The following RETREG1 variants were observed in gnomAD, a reference collection of about 807,000 sequenced individuals.
The protein encoded by RETREG1 is family with sequence similarity 134 member B.
A neutral mutation model predicts 54.8 loss-of-function variants in RETREG1; 44 were observed. The observed-to-expected ratio is 0.80, with a 90% confidence interval of 0.63 to 1.03. The LOEUF is 1.03. Ranked by LOEUF, RETREG1 falls within the 50% of genes least tolerant of loss-of-function variation. RETREG1 has a pLI of 0.00. For synonymous variants in RETREG1, 217 were observed against 238.5 expected (o/e 0.91, Z 0.83); for missense variants, 554 against 605.1 (o/e 0.92, Z 0.89).
At chr5:16,496,283 G>A (rs1269869868) in intron 3 of RETREG1, among the ~76,000 whole-genome samples, 1 of 152,186 alleles carries the variant, frequency 6.6e-6, no homozygotes, top group Non-Finnish European at 1.5e-5. Flanking sequence ...TCTCCCTTAT[G>A]TCACAGCAGA....
intron 1 of RETREG1, among the ~76,000 whole-genome samples, chr5:16,584,677 T>C (rs1156761553): frequency 6.6e-6 from 1 of 152,136 alleles, no homozygotes; most frequent in African/African-American, 2.4e-5. Context: ...GGCTTTAATT[T>C]CTCCTGGCCT....
chr5:16,552,250 T>C (rs1291672335), intron 3 of RETREG1, among the ~76,000 whole-genome samples: 1 of 152,220 alleles, frequency 6.6e-6, no homozygotes, highest in African/African-American at 2.4e-5. Context: ...AACAGGTTAA[T>C]TTATGCCTGG....
intron 1 of RETREG1, among the ~76,000 whole-genome samples, chr5:16,589,038 C>T (rs912214946): frequency 7.2e-5 from 11 of 152,310 alleles, no homozygotes; most frequent in South Asian, 6.2e-4. Context: ...CACACAGTAC[C>T]GCTGGGCTGT....
At chr5:16,586,406 A>G (rs1389682420) in intron 1 of RETREG1, among the ~76,000 whole-genome samples, 1 of 152,192 alleles carries the variant, frequency 6.6e-6, no homozygotes, top group Non-Finnish European at 1.5e-5. Context: ...CTTTAAATTA[A>G]GGCACTGGCT....
chr5:16,534,821 CTCTGCTGCCATTTT>C (rs1313313156), intron 3 of RETREG1, among the ~76,000 whole-genome samples: 4 of 152,192 alleles, frequency 2.6e-5, no homozygotes, highest in Non-Finnish European at 4.4e-5. Context: ...AAGGAAAGGT[CTCTGCTGCCATTTT>C]TCTTCTTCTG....
chr5:16,541,739 GGGAAGGAAGGAAGGAAGGAAGGAA>G (rs59287809), intron 3 of RETREG1, among the ~76,000 whole-genome samples: 3,006 of 102,240 alleles, frequency 0.029, 126 homozygotes, highest in African/African-American at 0.096. Flanking sequence ...GAGGGAGGGA[GGGAAGGAAGGAAGGAAGGAAGGAA>G]GGAAGGAAGG....
chr5:16,499,006 T>C (rs1739587885), intron 3 of RETREG1, among the ~76,000 whole-genome samples: 1 of 152,120 alleles, frequency 6.6e-6, no homozygotes, highest in Non-Finnish European at 1.5e-5. Flanking sequence ...ACACATTGTA[T>C]AGCTCTACAA....
intron 1 of RETREG1, among the ~76,000 whole-genome samples, chr5:16,613,334 T>C (rs1371717531): frequency 6.6e-6 from 1 of 152,232 alleles, no homozygotes; most frequent in Non-Finnish European, 1.5e-5. Context: ...CTTGATCATC[T>C]ACTAGATCTC....
chr5:16,501,299 G>C (rs1489409502), intron 3 of RETREG1, among the ~76,000 whole-genome samples: 3 of 152,158 alleles, frequency 2.0e-5, no homozygotes, highest in African/African-American at 7.2e-5. Context: ...CTAGTACCTG[G>C]TTAAGGCTGG....
chr5:16,480,703 C>T (rs940714515), intron 5 of RETREG1, among the ~76,000 whole-genome samples: 6 of 152,056 alleles, frequency 3.9e-5, no homozygotes, highest in African/African-American at 1.4e-4. Context: ...AAAGAACACG[C>T]ACGAAGGCAA....
chr5:16,554,254 G>A (rs1040343273), intron 3 of RETREG1, among the ~76,000 whole-genome samples: 13 of 152,202 alleles, frequency 8.5e-5, no homozygotes, highest in African/African-American at 2.7e-4. Context: ...TGACATTTCC[G>A]AGGCTGGAAC....
chr5:16,604,200 C>T (rs185834455), intron 1 of RETREG1, among the ~76,000 whole-genome samples: 1 of 152,304 alleles, frequency 6.6e-6, no homozygotes, highest in African/African-American at 2.4e-5. Flanking sequence ...CACCCAGCAA[C>T]CTCCCCTTGC....
intron 3 of RETREG1, among the ~76,000 whole-genome samples, chr5:16,487,296 A>T (rs1346510494): frequency 6.6e-6 from 1 of 152,210 alleles, no homozygotes; most frequent in Non-Finnish European, 1.5e-5. Context: ...CAAGTTCAAA[A>T]GGAAATAGGT....
At chr5:16,555,630 T>C (rs2019260) in intron 3 of RETREG1, among the ~76,000 whole-genome samples, 124,948 of 152,146 alleles carry the variant, frequency 0.82, 51,306 homozygotes, top group Middle Eastern at 0.87. Flanking sequence ...GTGATGAGTC[T>C]CTAAGTGATT....
intron 6 of RETREG1, among the ~76,000 whole-genome samples, chr5:16,478,304 T>G (rs1008395466): frequency 7.9e-5 from 12 of 152,168 alleles, no homozygotes; most frequent in African/African-American, 2.7e-4. Context: ...CATTAGTGGC[T>G]CTCTTAATAT....
At chr5:16,482,119 G>A (rs1020033456) in intron 4 of RETREG1, among the ~76,000 whole-genome samples, 1 of 151,962 alleles carries the variant, frequency 6.6e-6, no homozygotes, top group African/African-American at 2.4e-5. Context: ...TAGATTAGAT[G>A]ACTTGTGGAA....
At chr5:16,536,721 T>C (rs1416715139) in intron 3 of RETREG1, among the ~76,000 whole-genome samples, 1 of 152,168 alleles carries the variant, frequency 6.6e-6, no homozygotes, top group Non-Finnish European at 1.5e-5. Context: ...AGTGGGAACA[T>C]TTTTTGCCAA....
At chr5:16,497,241 G>A (rs1032886036) in intron 3 of RETREG1, among the ~76,000 whole-genome samples, 1 of 152,096 alleles carries the variant, frequency 6.6e-6, no homozygotes, top group African/African-American at 2.4e-5. Flanking sequence ...AAGAAGAGGC[G>A]ACCAGGATCA....
In RETREG1 at chr5:16,557,115, C is replaced by T. The variant is rs929952809; in HGVS notation, c.458+8648G>A. Among the ~76,000 whole-genome samples the T allele has an allele frequency of 2.6e-5, 4 of 152,304 alleles. No individual in the cohort carries two copies. The East Asian group carries it at 7.7e-4, about 29-fold the overall frequency. On this transcript the variant is annotated intron_variant, in intron 3 of 8. Transcript: ENST00000306320. ...ATAGTGCTGGCATTAAAGTCATGAG[C>T]CACTGCACCCGGCCATCATTTTAGT...
Sources: gnomAD v4.1 joint callset for allele counts (sites outside exome capture counted in the v4.1 genomes callset) on GRCh38, gnomAD v4.1.1 for gene constraint, MANE v1.5 for transcripts, NCBI Gene and HGNC (gene_info 2026-07-23, HGNC 2026-07-21) for gene names.